SPIDR: variants seen among roughly 807,000 people sequenced by gnomAD.
SPIDR encodes DNA repair-scaffolding protein.
A neutral mutation model predicts 104.6 loss-of-function variants in SPIDR; 93 were observed. That is an observed-to-expected ratio of 0.89 (90% CI 0.75 to 1.06). SPIDR has a LOEUF of 1.06. Ranked by LOEUF, SPIDR falls within the 50% of genes least tolerant of loss-of-function variation. The pLI is 0.00. For missense variants in SPIDR, 1,154 were observed against 1,111.2 expected (o/e 1.04, Z -0.55); for synonymous variants, 431 against 416.9 (o/e 1.03, Z -0.41).
At chr8:47,638,703 T>C (rs569018173) in intron 10 of SPIDR, among the ~76,000 whole-genome samples, 1 of 152,298 alleles carries the variant, frequency 6.6e-6, no homozygotes, top group East Asian at 1.9e-4. Context: ...TAGACAATAC[T>C]TTTATCATTT....
chr8:47,565,981 TA>T (rs2057748550), intron 8 of SPIDR, among the ~76,000 whole-genome samples: 2 of 46,264 alleles, frequency 4.3e-5, no homozygotes, highest in Admixed American at 2.9e-4. Context: ...CATATATATA[TA>T]TATATATATA....
intron 7 of SPIDR, among the ~76,000 whole-genome samples, chr8:47,425,569 A>G (rs797023787): frequency 3.3e-5 from 5 of 152,256 alleles, no homozygotes; most frequent in African/African-American, 1.2e-4. Flanking sequence ...CAGTTTTGGG[A>G]TGGTGGAAGT....
chr8:47,357,913 C>T lies in SPIDR; in HGVS notation c.526-38463C>T, dbSNP rs1331356038. 4.1e-6 allele frequency: 4 copies of T among 969,754 alleles called. No homozygotes were observed. In the African/African-American group the frequency reaches 7.0e-5, roughly 17 times the overall value. The allele number at this position is 969,754 out of a possible 1,614,324, so 60.1% of individuals were successfully genotyped here. On this transcript the variant is annotated intron_variant, in intron 5 of 19. Coordinates refer to ENST00000297423, the MANE Select transcript of SPIDR (RefSeq NM_001080394.4). ...GAGAGCATTAAATAAGAAGTACTCACCTGTGATTTCAGCAGGCTTGCATGT... is the reference window on the plus strand; with the variant it reads ...GAGAGCATTAAATAAGAAGTACTCATCTGTGATTTCAGCAGGCTTGCATGT...
chr8:47,694,709 A>AGGT (rs2079098773), intron 11 of SPIDR, among the ~76,000 whole-genome samples: 18 of 152,208 alleles, frequency 1.2e-4, no homozygotes, highest in Admixed American at 1.2e-3. Flanking sequence ...AGGTCACACC[A>AGGT]CTGCACTCCA....
intron 5 of SPIDR, among the ~76,000 whole-genome samples, chr8:47,315,995 C>A (rs2045268397): frequency 6.6e-6 from 1 of 152,154 alleles, no homozygotes; most frequent in African/African-American, 2.4e-5. Flanking sequence ...ACTCTATAAA[C>A]TTCTTCAAAA....
At chr8:47,493,587 C>T (rs1167028652) in intron 8 of SPIDR, among the ~76,000 whole-genome samples, 1 of 152,176 alleles carries the variant, frequency 6.6e-6, no homozygotes, top group Non-Finnish European at 1.5e-5. Context: ...CTGATGGCTG[C>T]TGTTGTCCTG....
chr8:47,446,157 G>A (rs1361055005), intron 8 of SPIDR, among the ~76,000 whole-genome samples: 1 of 152,160 alleles, frequency 6.6e-6, no homozygotes, highest in Non-Finnish European at 1.5e-5. Context: ...TCAATGCCTG[G>A]CTTCAAAGCT....
At chr8:47,599,526 C>T (rs1165942101) in intron 10 of SPIDR, among the ~76,000 whole-genome samples, 3 of 152,098 alleles carry the variant, frequency 2.0e-5, no homozygotes, top group Non-Finnish European at 4.4e-5. Flanking sequence ...CTCAAAAGAC[C>T]ATTTGCAACA....
chr8:47,408,227 T>C lies in SPIDR; in HGVS notation c.877+266T>C, dbSNP rs529726171. 2.0e-5 allele frequency among the ~76,000 whole-genome samples: 3 copies of C among 152,290 alleles called. No individual in the cohort carries two copies. In the South Asian group the frequency reaches 6.2e-4, roughly 32 times the overall value. On this transcript the variant is annotated intron_variant, in intron 7 of 19. Coordinates refer to ENST00000297423, the MANE Select transcript of SPIDR (RefSeq NM_001080394.4). ...GACCTCCAAAAATTTTGTTCTATTC[T>C]TATCATTAAGAGCACTCTACCCTCT...
intron 14 of SPIDR, 43 bp downstream of exon 14, chr8:47,702,058 C>CAG: frequency 2.0e-6 from 1 of 488,882 alleles, no homozygotes; most frequent in Non-Finnish European, 3.5e-6. Context: ...GCCTTTCTCT[C>CAG]TCTCTCTCTC....
At position 47,461,769 on chromosome 8, in the gene SPIDR, A is replaced by AT. The variant is rs552524596; in HGVS notation, c.1097+21236dup. On this transcript the variant is annotated intron_variant, in intron 8 of 19. Transcript: ENST00000297423. Reference sequence around the variant, plus strand: ...CACTGTTTTATTTCCTGAAGTTGTGATTTTTTTTTAATTTATGCTATTTCA... The same window carrying AT: ...CACTGTTTTATTTCCTGAAGTTGTGATTTTTTTTTTAATTTATGCTATTTCA... 1.2e-3 allele frequency among the ~76,000 whole-genome samples: 173 copies of AT among 149,782 alleles called. 1 individual carries two copies. Among genetic ancestry groups the AT allele is most frequent in the Non-Finnish European group, 2.0e-3 (132 of 67,344 alleles).
intron 5 of SPIDR, among the ~76,000 whole-genome samples, chr8:47,367,169 G>T (rs899631635): frequency 6.6e-6 from 1 of 152,176 alleles, no homozygotes; most frequent in Non-Finnish European, 1.5e-5. Flanking sequence ...CAGGAGAGGG[G>T]TTTATGTGCT....
At position 47,294,003 on chromosome 8, in the gene SPIDR, T is replaced by G. The variant is rs2040393135; in HGVS notation, c.498T>G (p.Ser166Arg). The G allele has an allele frequency of 6.2e-7, 1 of 1,613,842 alleles. No homozygotes were observed. The highest frequency in any genetic ancestry group is 1.1e-5 in the South Asian group (1 of 91,038). ...ASCASNQSLT[S>R]DEKLSELPKP... ...GTGCAAGTAATCAGTCTTTGACAAGTGATGAGAAGCTGTCGGAGCTTCCCA... is the reference window on the plus strand; with the variant it reads ...GTGCAAGTAATCAGTCTTTGACAAGGGATGAGAAGCTGTCGGAGCTTCCCA... The change falls in exon 5 of 20, where the codon AGT becomes AGG. Residue 166 changes from serine to arginine, a missense_variant. Physicochemically the swap from Ser to Arg is moderately radical, Grantham distance 110 (BLOSUM62 -1). Transcript: ENST00000297423.
intron 5 of SPIDR, among the ~76,000 whole-genome samples, chr8:47,337,561 A>G (rs1325149076): frequency 2.0e-5 from 3 of 149,108 alleles, no homozygotes; most frequent in African/African-American, 5.0e-5. Context: ...CCTCCTTAAT[A>G]CCATCTTTTT....
chr8:47,651,868 C>T (rs537043396), intron 10 of SPIDR, among the ~76,000 whole-genome samples: 42 of 152,170 alleles, frequency 2.8e-4, no homozygotes, highest in Non-Finnish European at 5.1e-4. Context: ...AAACCAAATA[C>T]TGTATGTTCT....
chr8:47,393,214 C>T (rs1588112697), intron 5 of SPIDR, among the ~76,000 whole-genome samples: 2 of 152,218 alleles, frequency 1.3e-5, no homozygotes, highest in East Asian at 1.9e-4. Context: ...ATATTAGCAA[C>T]TCCTGCCTGA....
chr8:47,626,201 C>G (rs955298303), intron 10 of SPIDR, among the ~76,000 whole-genome samples: 6 of 152,190 alleles, frequency 3.9e-5, no homozygotes, highest in Admixed American at 6.5e-5. Context: ...AAAGCTGAAA[C>G]TGGATACCTT....
intron 12 of SPIDR, among the ~76,000 whole-genome samples, chr8:47,701,407 A>G (rs1483617404): frequency 2.0e-5 from 3 of 152,168 alleles, no homozygotes; most frequent in African/African-American, 7.2e-5. Context: ...ACTCCAGCCA[A>G]CGAGAGTGCA....
At chr8:47,654,777 C>A (rs2072405718) in intron 10 of SPIDR, among the ~76,000 whole-genome samples, 1 of 152,072 alleles carries the variant, frequency 6.6e-6, no homozygotes, top group Admixed American at 6.6e-5. Flanking sequence ...GCACAATGTG[C>A]AGGTTTGTTA....
Sources: gnomAD v4.1 joint callset for allele counts (sites outside exome capture counted in the v4.1 genomes callset) on GRCh38, gnomAD v4.1.1 for gene constraint, MANE v1.5 for transcripts, NCBI Gene and HGNC (gene_info 2026-07-23, HGNC 2026-07-21) for gene names.